Variants in CMIP observed in about 807,000 individuals in gnomAD.
CMIP encodes c-Maf inducing protein, also known as C-Maf-inducing protein.
Under a neutral mutation model 97.3 loss-of-function variants are expected in CMIP, and 13 were observed. The observed-to-expected ratio is 0.13, with a 90% CI of 0.09 to 0.21. The LOEUF (loss-of-function observed/expected upper bound fraction) is 0.21, where lower values mean the gene tolerates loss of function less well. CMIP is among the 10% of genes least tolerant of loss of function. The pLI is 1.00. For missense variants in CMIP, 847 were observed against 1,024.9 expected (o/e 0.83, Z 2.37); for synonymous variants, 538 against 436.3 (o/e 1.23, Z -2.91).
intron 1 of CMIP, among the ~76,000 whole-genome samples, chr16:81,596,446 G>T (rs2091557695): frequency 6.7e-6 from 1 of 149,786 alleles, no homozygotes; most frequent in African/African-American, 2.5e-5. Flanking sequence ...GGCAGAGGTT[G>T]CAGTGAGCCA....
intron 1 of CMIP, among the ~76,000 whole-genome samples, chr16:81,555,045 G>A (rs966336959): frequency 1.3e-5 from 2 of 152,134 alleles, no homozygotes; most frequent in Non-Finnish European, 2.9e-5. Context: ...TCACCTTGGT[G>A]CCTCCTCTGT....
chr16:81,584,000 A>G (rs1258864598), intron 1 of CMIP, among the ~76,000 whole-genome samples: 1 of 152,212 alleles, frequency 6.6e-6, no homozygotes, highest in Non-Finnish European at 1.5e-5. Context: ...GGTAGGATAG[A>G]GGGCAAGGGA....
chr16:81,590,080 C>A (rs959765180), intron 1 of CMIP, among the ~76,000 whole-genome samples: 1 of 152,068 alleles, frequency 6.6e-6, no homozygotes, highest in African/African-American at 2.4e-5. Context: ...TCACTAGGGC[C>A]TCAGGATAGA....
intron 1 of CMIP, among the ~76,000 whole-genome samples, chr16:81,471,306 G>A (rs993339204): frequency 2.6e-5 from 4 of 151,886 alleles, no homozygotes; most frequent in Non-Finnish European, 2.9e-5. Flanking sequence ...GCATATAAAT[G>A]TACCCACACG....
At chr16:81,659,197 C>T (rs907469471) in intron 5 of CMIP, among the ~76,000 whole-genome samples, 4 of 152,204 alleles carry the variant, frequency 2.6e-5, no homozygotes, top group African/African-American at 7.2e-5. Flanking sequence ...ATTCATTTAA[C>T]GAACTTTGCT....
chr16:81,595,672 A>G (rs774694453), intron 1 of CMIP, among the ~76,000 whole-genome samples: 6 of 152,164 alleles, frequency 3.9e-5, no homozygotes, highest in Non-Finnish European at 7.4e-5. Context: ...TACAGGCATG[A>G]GCCACCACGC....
intron 1 of CMIP, among the ~76,000 whole-genome samples, chr16:81,601,545 C>T (rs1372855847): frequency 6.6e-6 from 1 of 152,122 alleles, no homozygotes; most frequent in African/African-American, 2.4e-5. Flanking sequence ...CTTCTAGGCC[C>T]TATTTTTTCC....
chr16:81,702,972 C>T (rs117203754), intron 17 of CMIP, among the ~76,000 whole-genome samples: 1 of 152,174 alleles, frequency 6.6e-6, no homozygotes, highest in East Asian at 1.9e-4. Context: ...GTCAGATGCT[C>T]TTCTATTAGT....
intron 1 of CMIP, among the ~76,000 whole-genome samples, chr16:81,522,265 C>T (rs886249416): frequency 9.2e-5 from 14 of 152,186 alleles, no homozygotes; most frequent in African/African-American, 3.4e-4. Context: ...TGGGCCCTGT[C>T]ATCAGAGCCC....
intron 1 of CMIP, among the ~76,000 whole-genome samples, chr16:81,514,448 A>G (rs1034191052): frequency 6.6e-6 from 1 of 152,160 alleles, no homozygotes; most frequent in Non-Finnish European, 1.5e-5. Context: ...CCAGGTTCCA[A>G]CCCAGCTGGC....
In CMIP at chr16:81,645,448, G is replaced by T. The variant is rs1371482264; in HGVS notation, c.478-6755G>T. The T allele has an allele frequency of 4.2e-5, 64 of 1,519,292 alleles. No individual in the cohort carries two copies. In the East Asian group the frequency reaches 1.1e-3, roughly 27 times the overall value. The allele number at this position is 1,519,292 out of a possible 1,614,324, so 94.1% of individuals were successfully genotyped here. ...GCGCGACGTGCTTCCAGTGCATTCT[G>T]AGTCACTCCTCTCCTGGCAAGGGGC... is the stretch of plus-strand genomic sequence containing the variant. On this transcript the variant is annotated intron_variant, in intron 3 of 20. Coordinates refer to ENST00000537098, the MANE Select transcript of CMIP (RefSeq NM_198390.3).
intron 1 of CMIP, among the ~76,000 whole-genome samples, chr16:81,495,048 G>A (rs932547862): frequency 2.6e-5 from 4 of 152,190 alleles, no homozygotes; most frequent in African/African-American, 9.7e-5. Flanking sequence ...CTTGGGGACT[G>A]TAAGGCTTTG....
At chr16:81,481,933 C>T (rs2089230676) in intron 1 of CMIP, among the ~76,000 whole-genome samples, 1 of 149,478 alleles carries the variant, frequency 6.7e-6, no homozygotes, top group African/African-American at 2.5e-5. Flanking sequence ...GGCTGGAGTG[C>T]AGTGGCGCAA....
At chr16:81,620,110 T>A (rs1046435763) in intron 2 of CMIP, 1 of 152,184 alleles carries the variant, frequency 6.6e-6, no homozygotes, top group African/African-American at 2.4e-5. Context: ...TAATTTCTGG[T>A]CTTTAAAACA....
chr16:81,601,592 G>A (rs1048090150), intron 1 of CMIP, among the ~76,000 whole-genome samples: 1 of 152,166 alleles, frequency 6.6e-6, no homozygotes, highest in Non-Finnish European at 1.5e-5. Flanking sequence ...TGGACAGGGG[G>A]CTCACCTGGA....
intron 4 of CMIP, among the ~76,000 whole-genome samples, chr16:81,654,263 G>A (rs989225271): frequency 7.0e-6 from 1 of 143,746 alleles, no homozygotes; most frequent in Non-Finnish European, 1.5e-5. Context: ...TTAACAATGG[G>A]GTCTCACTGT....
chr16:81,605,642 C>T (rs2091730759), intron 1 of CMIP, among the ~76,000 whole-genome samples: 1 of 152,220 alleles, frequency 6.6e-6, no homozygotes, highest in Non-Finnish European at 1.5e-5. Flanking sequence ...TGAACACTCC[C>T]AGCTGTTCCC....
At chr16:81,466,723 A>G (rs935439619) in intron 1 of CMIP, among the ~76,000 whole-genome samples, 2 of 152,194 alleles carry the variant, frequency 1.3e-5, no homozygotes, top group East Asian at 1.9e-4. Context: ...AAGTTAATGC[A>G]TTGACCATGG....
chr16:81,671,934 G>T lies in CMIP; in HGVS notation c.930-32G>T, dbSNP rs573788194. Reference sequence around the variant, plus strand: ...CTGTCCATGGGCCCCACTCCTGCAGGCTTCTCACCCCAGCCCTCTGCTTTT... The same window carrying T: ...CTGTCCATGGGCCCCACTCCTGCAGTCTTCTCACCCCAGCCCTCTGCTTTT... On this transcript the variant is annotated intron_variant, in intron 8 of 20. Coordinates refer to ENST00000537098, the MANE Select transcript of CMIP (RefSeq NM_198390.3). 4.8e-5 allele frequency: 61 copies of T among 1,269,880 alleles called. No homozygotes were observed. The Admixed American group carries it at 9.0e-4, about 19-fold the overall frequency. 78.7% of individuals were successfully genotyped at this position (1,269,880 alleles called of 1,614,324 possible).
Sources: gnomAD v4.1 joint callset for allele counts (sites outside exome capture counted in the v4.1 genomes callset) on GRCh38, gnomAD v4.1.1 for gene constraint, MANE v1.5 for transcripts, NCBI Gene and HGNC (gene_info 2026-07-23, HGNC 2026-07-21) for gene names.